Variants in GYS2 observed in about 807,000 individuals in gnomAD.
The protein encoded by GYS2 is glycogen [starch] synthase, liver.
In GYS2, 80 loss-of-function variants were observed where a neutral mutation model predicts 85.6. That is an observed-to-expected ratio of 0.93 (90% CI 0.78 to 1.13). The LOEUF (loss-of-function observed/expected upper bound fraction) is 1.13, where lower values mean the gene tolerates loss of function less well. Ranked by LOEUF, GYS2 falls within the 50% of genes most tolerant of loss-of-function variation. GYS2 has a pLI of 0.00. For missense variants in GYS2, 881 were observed against 854.9 expected (o/e 1.03, Z -0.38); for synonymous variants, 328 against 300.7 (o/e 1.09, Z -0.94).
intron 12 of GYS2, among the ~76,000 whole-genome samples, chr12:21,544,020 A>G (rs534821893): frequency 1.2e-4 from 18 of 152,310 alleles, no homozygotes; most frequent in African/African-American, 3.6e-4. Flanking sequence ...AGTTTAGTAT[A>G]TGTTCATTGA....
intron 3 of GYS2, among the ~76,000 whole-genome samples, chr12:21,574,584 TA>T (rs1194835506): frequency 6.6e-6 from 1 of 152,118 alleles, no homozygotes; most frequent in Non-Finnish European, 1.5e-5. Flanking sequence ...TAAATACTAA[TA>T]TTAATAACAG....
chr12:21,552,399 T>C (rs925791220), intron 11 of GYS2, among the ~76,000 whole-genome samples: 1 of 131,492 alleles, frequency 7.6e-6, no homozygotes, highest in Non-Finnish European at 1.6e-5. Flanking sequence ...AATATGACAT[T>C]CATATCAAAA....
At chr12:21,554,195 G>A (rs918337801) in intron 11 of GYS2, among the ~76,000 whole-genome samples, 4 of 151,744 alleles carry the variant, frequency 2.6e-5, no homozygotes, top group African/African-American at 9.7e-5. Flanking sequence ...AGGAAGTGAG[G>A]AAGGAAGGAA....
At chr12:21,580,298 A>G (rs372247795) in intron 2 of GYS2, 44 bp downstream of exon 2, 19 of 1,537,956 alleles carry the variant, frequency 1.2e-5, no homozygotes, top group Admixed American at 1.2e-4. Flanking sequence ...CTTTTTTCCC[A>G]TAAGTTTACT....
downstream of GYS2, among the ~76,000 whole-genome samples, chr12:21,535,776 G>T (rs559950702): frequency 8.5e-5 from 13 of 152,218 alleles, no homozygotes; most frequent in African/African-American, 2.9e-4. Flanking sequence ...GTCAATAAAG[G>T]AACTCACTGT....
intron 5 of GYS2, 50 bp downstream of exon 5, chr12:21,568,815 T>C (rs756878411): frequency 2.6e-6 from 4 of 1,527,780 alleles, no homozygotes; most frequent in Non-Finnish European, 2.7e-6. Context: ...ATCCTCATAG[T>C]GTAACATCAT....
downstream of GYS2, among the ~76,000 whole-genome samples, chr12:21,534,268 T>G (rs771521650): frequency 6.6e-6 from 1 of 152,180 alleles, no homozygotes; most frequent in Non-Finnish European, 1.5e-5. Flanking sequence ...CCCAGCACTT[T>G]GGGAGGCCAA....
chr12:21,596,142 C>T (rs182524448), intron 1 of GYS2, among the ~76,000 whole-genome samples: 31 of 152,034 alleles, frequency 2.0e-4, no homozygotes, highest in Admixed American at 5.9e-4. Context: ...AAGTTCAGGA[C>T]CAGATGGATT....
Position 21,604,547 on chromosome 12 carries a change from G to T in GYS2, c.46C>A (p.Pro16Thr), listed in dbSNP as rs747932329. 2 of 1,612,640 alleles carry T rather than the reference G, an allele frequency of 1.2e-6. No homozygotes were observed. Among genetic ancestry groups the T allele is most frequent in the South Asian group, 2.2e-5 (2 of 91,050 alleles). ...GGAAGTTCTTCGACTTCCCACTGGG[G>T]AAGCCCACCCAGGGATGTTACAGAG... ...SLSVTSLGGL[P>T]QWEVEELPVE... The change falls in exon 1 of 16, where the codon CCC (proline) becomes ACC (threonine). Residue 16 changes from proline to threonine, a missense_variant. By Grantham distance (38) the Pro-to-Thr change is conservative. Coordinates refer to ENST00000261195, the MANE Select transcript of GYS2 (RefSeq NM_021957.4).
intron 3 of GYS2, 147 bp downstream of exon 3, chr12:21,575,718 AT>A: frequency 1.4e-6 from 1 of 708,252 alleles, no homozygotes; most frequent in Non-Finnish European, 2.5e-6. Flanking sequence ...AATGCTCAAC[AT>A]TTCCTCAGAT....
chr12:21,589,004 C>G lies in GYS2; in HGVS notation c.122-8481G>C, dbSNP rs1031367995. ...AAATTTCCAAAGAATTTCTCCTCTT[C>G]TGTAGACTTATTTTCTTCATCTTCA... On this transcript the variant is annotated intron_variant, in intron 1 of 15. Coordinates refer to ENST00000261195, the MANE Select transcript of GYS2 (RefSeq NM_021957.4). Among the ~76,000 whole-genome samples the G allele has an allele frequency of 9.8e-5, 15 of 152,330 alleles. No individual in the cohort carries two copies. In the South Asian group the frequency reaches 1.7e-3, roughly 17 times the overall value.
chr12:21,545,903 T>A (rs558632433), intron 12 of GYS2, among the ~76,000 whole-genome samples: 48 of 152,304 alleles, frequency 3.2e-4, no homozygotes, highest in African/African-American at 1.1e-3. Context: ...ACATATTAAA[T>A]ATGTTCATTA....
At chr12:21,548,076 T>G (rs1484876972) in intron 11 of GYS2, among the ~76,000 whole-genome samples, 2 of 127,140 alleles carry the variant, frequency 1.6e-5, no homozygotes, top group Non-Finnish European at 3.5e-5. Context: ...AGCTCTGACA[T>G]AAATGTTGGT....
At chr12:21,532,914 A>G (rs1334484331), downstream of GYS2, 1 of 152,222 alleles carries the variant, frequency 6.6e-6, no homozygotes, top group African/African-American at 2.4e-5. Context: ...TTATGTACAA[A>G]TATGCTGATT....
At chr12:21,595,190 T>C (rs1591812268) in intron 1 of GYS2, among the ~76,000 whole-genome samples, 2 of 152,102 alleles carry the variant, frequency 1.3e-5, no homozygotes, top group African/African-American at 4.8e-5. Context: ...CCAACTCAGA[T>C]GGACAGAGCA....
chr12:21,559,212 C>T (rs549966897), intron 9 of GYS2, 43 bp from the exon 10 acceptor site: 31 of 1,075,802 alleles, frequency 2.9e-5, no homozygotes, highest in Non-Finnish European at 4.2e-5. Flanking sequence ...AAACAGCTGG[C>T]ACTAATTCAG....
intron 1 of GYS2, among the ~76,000 whole-genome samples, chr12:21,583,497 G>A (rs1012450901): frequency 2.0e-5 from 3 of 152,188 alleles, no homozygotes; most frequent in Admixed American, 6.5e-5. Context: ...ACAGGTCCAG[G>A]CTGCTGTGCA....
At chr12:21,593,242 C>T (rs954361744) in intron 1 of GYS2, among the ~76,000 whole-genome samples, 9 of 150,994 alleles carry the variant, frequency 6.0e-5, no homozygotes, top group Non-Finnish European at 3.0e-5. Context: ...AGAACAAAAC[C>T]CAAAACTAGC....
At chr12:21,586,912 G>T (rs1944580721) in intron 1 of GYS2, among the ~76,000 whole-genome samples, 1 of 152,108 alleles carries the variant, frequency 6.6e-6, no homozygotes, top group Non-Finnish European at 1.5e-5. Flanking sequence ...CAAAGATATG[G>T]AATCAACCTA....
Sources: gnomAD v4.1 joint callset for allele counts (sites outside exome capture counted in the v4.1 genomes callset) on GRCh38, gnomAD v4.1.1 for gene constraint, MANE v1.5 for transcripts, NCBI Gene and HGNC (gene_info 2026-07-23, HGNC 2026-07-21) for gene names.